CCDC178: variants seen among roughly 807,000 people sequenced by gnomAD.
CCDC178 encodes the protein coiled-coil domain containing 178.
Under a neutral mutation model 117.4 loss-of-function variants are expected in CCDC178, and 126 were observed. The observed-to-expected ratio is 1.07, with a 90% CI of 0.93 to 1.24. The LOEUF is 1.24. Among genes scored for constraint, CCDC178 ranks in the 50% most tolerant of loss-of-function variants. The pLI is 0.00. For synonymous variants in CCDC178, 283 were observed against 313.4 expected, an observed-to-expected ratio of 0.90 and a Z score of 1.02; for missense variants, 1,030 against 986.9, an observed-to-expected ratio of 1.04 and a Z score of -0.59.
intron 20 of CCDC178, among the ~76,000 whole-genome samples, chr18:33,208,111 A>G (rs2059067250): frequency 1.3e-5 from 2 of 152,146 alleles, no homozygotes. Flanking sequence ...GCAATACGAT[A>G]AGCCTAATTT....
At chr18:33,233,001 T>A (rs1046525899) in intron 15 of CCDC178, among the ~76,000 whole-genome samples, 3 of 152,208 alleles carry the variant, frequency 2.0e-5, no homozygotes, top group African/African-American at 7.2e-5. Flanking sequence ...TTAGTATATA[T>A]TCATGGTTTC....
intron 20 of CCDC178, among the ~76,000 whole-genome samples, chr18:33,201,842 T>TG (rs2058992762): frequency 6.6e-6 from 1 of 152,108 alleles, no homozygotes; most frequent in Non-Finnish European, 1.5e-5. Context: ...TAGAGCCCGG[T>TG]GACAAAGGAG....
intron 22 of CCDC178, among the ~76,000 whole-genome samples, chr18:32,952,233 T>C (rs1480729502): frequency 4.6e-5 from 7 of 152,218 alleles, no homozygotes; most frequent in Non-Finnish European, 1.0e-4. Flanking sequence ...GTGCTGCAAC[T>C]TCACATTTCC....
At chr18:33,153,455 T>C (rs570044936) in intron 20 of CCDC178, among the ~76,000 whole-genome samples, 2 of 152,230 alleles carry the variant, frequency 1.3e-5, no homozygotes, top group East Asian at 1.9e-4. Context: ...TTATCTCTTA[T>C]GTCTCTCATA....
At chr18:33,318,335 G>A (rs965341402) in intron 11 of CCDC178, among the ~76,000 whole-genome samples, 2 of 152,164 alleles carry the variant, frequency 1.3e-5, no homozygotes, top group Admixed American at 6.5e-5. Flanking sequence ...TGAGATCATT[G>A]GAAGCCATGT....
chr18:33,131,475 T>C (rs954120439), intron 20 of CCDC178, among the ~76,000 whole-genome samples: 19 of 151,722 alleles, frequency 1.3e-4, no homozygotes, highest in Non-Finnish European at 2.7e-4. Context: ...AGTGGTAATA[T>C]TTTGTTATGG....
chr18:33,021,551 A>G (rs997942491), intron 21 of CCDC178, among the ~76,000 whole-genome samples: 8 of 152,052 alleles, frequency 5.3e-5, no homozygotes, highest in Non-Finnish European at 8.8e-5. Context: ...ACAAACAACA[A>G]AACACACAAC....
At chr18:33,369,791 A>G (rs796843840) in intron 6 of CCDC178, among the ~76,000 whole-genome samples, 15 of 152,066 alleles carry the variant, frequency 9.9e-5, no homozygotes, top group Admixed American at 3.9e-4. Context: ...GGAAATTACT[A>G]CTTAGCATGA....
At chr18:33,218,677 C>T (rs1474606083) in intron 18 of CCDC178, among the ~76,000 whole-genome samples, 4 of 152,110 alleles carry the variant, frequency 2.6e-5, no homozygotes, top group Non-Finnish European at 5.9e-5. Context: ...TATGGCTAGC[C>T]AGTTTTCCCA....
intron 5 of CCDC178, among the ~76,000 whole-genome samples, chr18:33,373,212 C>T (rs1197180753): frequency 1.3e-5 from 2 of 152,126 alleles, no homozygotes; most frequent in African/African-American, 4.8e-5. Context: ...CTGTTGGAGA[C>T]ACTTATCACT....
chr18:33,328,084 T>TTTTTTTTTG (rs2062610948), intron 10 of CCDC178: 1 of 6,496 alleles, frequency 1.5e-4, no homozygotes, highest in African/African-American at 9.6e-4. Flanking sequence ...TATCCCTAGA[T>TTTTTTTTTG]TTTTTTTTTT....
chr18:33,051,637 T>G (rs2056749605), intron 21 of CCDC178, among the ~76,000 whole-genome samples: 1 of 152,224 alleles, frequency 6.6e-6, no homozygotes, highest in Non-Finnish European at 1.5e-5. Flanking sequence ...GTTGGCTCAG[T>G]GCCCAAAGCG....
At chr18:33,069,347 C>A (rs1490740187) in intron 21 of CCDC178, among the ~76,000 whole-genome samples, 1 of 152,006 alleles carries the variant, frequency 6.6e-6, no homozygotes, top group East Asian at 1.9e-4. Context: ...CACAATGGAG[C>A]AGAATAGAAA....
chr18:33,208,705 G>A (rs2059073744), intron 20 of CCDC178, among the ~76,000 whole-genome samples: 2 of 152,156 alleles, frequency 1.3e-5, no homozygotes, highest in South Asian at 4.1e-4. Context: ...TACTATTCCA[G>A]TACCTGGTGG....
rs895960089 is a variant in CCDC178, at chr18:33,251,851, C to T, written c.1410-6423G>A. Among the ~76,000 whole-genome samples the T allele has an allele frequency of 2.0e-5, 3 of 151,692 alleles. No individual in the cohort carries two copies. The Admixed American group carries it at 2.0e-4, about 10-fold the overall frequency. On this transcript the variant is annotated intron_variant, in intron 14 of 22. Coordinates refer to ENST00000383096, the MANE Select transcript of CCDC178 (RefSeq NM_001105528.4). ...TGTGTTTTATTTTAGCCACATTCAG[C>T]TGCTAGGAAAAGTTCAATGAAGAAA...
intron 14 of CCDC178, among the ~76,000 whole-genome samples, chr18:33,261,019 T>C (rs1204746792): frequency 6.6e-6 from 1 of 152,198 alleles, no homozygotes; most frequent in Non-Finnish European, 1.5e-5. Flanking sequence ...TCTAAAACAT[T>C]GTTAAATATT....
chr18:33,268,911 G>T (rs1348876531), intron 12 of CCDC178, among the ~76,000 whole-genome samples: 1 of 151,820 alleles, frequency 6.6e-6, no homozygotes, highest in East Asian at 1.9e-4. Context: ...AACTTAGTAA[G>T]AAGAGTGCAC....
intron 20 of CCDC178, among the ~76,000 whole-genome samples, chr18:33,151,740 T>C (rs1268711283): frequency 6.6e-6 from 1 of 152,176 alleles, no homozygotes; most frequent in African/African-American, 2.4e-5. Flanking sequence ...ACGACAATAA[T>C]GTCCTATTAA....
intron 20 of CCDC178, among the ~76,000 whole-genome samples, chr18:33,130,667 G>A (rs1342179604): frequency 3.3e-5 from 5 of 151,934 alleles, no homozygotes; most frequent in Non-Finnish European, 7.4e-5. Flanking sequence ...AAATCACTGT[G>A]TTCACTAATT....
Sources: gnomAD v4.1 joint callset for allele counts (sites outside exome capture counted in the v4.1 genomes callset) on GRCh38, gnomAD v4.1.1 for gene constraint, MANE v1.5 for transcripts, NCBI Gene and HGNC (gene_info 2026-07-23, HGNC 2026-07-21) for gene names.